PDF: variants seen among roughly 807,000 people sequenced by gnomAD.
The protein encoded by PDF is peptide deformylase, mitochondrial.
A neutral mutation model predicts 20.3 loss-of-function variants in PDF; 31 were observed. The observed-to-expected ratio is 1.52, with a 90% CI of 1.15 to 2.06. The LOEUF is 2.06. PDF is among the 30% of genes most tolerant of loss of function. The pLI, the probability that PDF is intolerant of heterozygous loss-of-function variation, is 0.00. For synonymous variants in PDF, 254 were observed against 172.0 expected, an observed-to-expected ratio of 1.48 and a Z score of -3.73; for missense variants, 447 against 362.5, an observed-to-expected ratio of 1.23 and a Z score of -1.89.
Position 69,330,090 on chromosome 16 carries a change from G to T in PDF, c.481C>A (p.Leu161Ile). The change falls in exon 1 of 2, where the codon CTT (leucine) becomes ATT (isoleucine). Residue 161 changes from leucine to isoleucine, a missense_variant. By Grantham distance (5) the Leu-to-Ile change is conservative. Transcript: ENST00000288022. ...GGAAAGGTGACCAGGCGGCTGTCAA[G>T]CACTCGCAGGCTGGGGTTCACGAAC... Reference protein sequence around the residue: ...RVFVNPSLRVLDSRLVTFPEG... With the variant: ...RVFVNPSLRVIDSRLVTFPEG... 1.9e-6 allele frequency: 3 copies of T among 1,576,922 alleles called. No homozygotes were observed. The highest frequency in any genetic ancestry group is 2.6e-6 in the Non-Finnish European group (3 of 1,163,948).
intron 1 of PDF, 51 bp from the exon 2 acceptor site, chr16:69,329,230 T>A (rs1045537860): frequency 1.2e-5 from 18 of 1,496,232 alleles, no homozygotes; most frequent in Non-Finnish European, 1.5e-5. Context: ...AACTGCATCA[T>A]CCTCAACCTC....
rs1965693475 is a variant in PDF at position 69,329,065 on chromosome 16, CTGTCCATTTTG to C, written c.678_688del (p.Asp226GlufsTer14). 1 of 1,611,978 alleles carries C rather than the reference CTGTCCATTTTG, an allele frequency of 6.2e-7. No individual in the cohort carries two copies. The highest frequency in any genetic ancestry group is 8.5e-7 in the Non-Finnish European group (1 of 1,179,480). The stretch of plus-strand genomic sequence containing the variant: ...CCAATAGACGTTTGTGAACGTCCTG[CTGTCCATTTTG>C]TCAATAAACAGGCAGCCCTGCAGGT... On this transcript the variant is annotated frameshift_variant, in exon 2 of 2. Coordinates refer to ENST00000288022, the MANE Select transcript of PDF (RefSeq NM_022341.2). LOFTEE classifies it high-confidence loss of function.
chr16:69,330,232 C>T lies in PDF; in HGVS notation c.339G>A (p.Ala113=), dbSNP rs1337454306. 2.8e-6 allele frequency: 4 copies of T among 1,450,040 alleles called. No homozygotes were observed. Among genetic ancestry groups the T allele is most frequent in the African/African-American group, 1.5e-5 (1 of 66,976 alleles). The allele number at this position is 1,450,040 out of a possible 1,614,324, so 89.8% of individuals were successfully genotyped here. A position where few individuals can be genotyped will look rare whatever the true frequency, so the allele number is the denominator to read the frequency against. ...CCTGCCGCGGCACCCCCAGCTGCGG[C>T]GCGCTTAGGCCCACGCAGCGCCGCC... The part of the protein sequence containing the change: ...MRRRRCVGLS[A]PQLGVPRQVL... Residue 113 remains alanine (A), a synonymous_variant, in exon 1 of 2, where the codon GCG becomes GCA. Transcript: ENST00000288022.
chr16:69,330,437 C>A lies in PDF; in HGVS notation c.134G>T (p.Arg45Leu). ...CCTCAGGTGGCGCCAATAGGAGCGC[C>A]GCAGCGCCGGGCCCTCGACGCCGTC... ...APDGVEGPAL[R>L]RSYWRHLRRL... The change falls in exon 1 of 2, where the codon CGG (arginine) becomes CTG (leucine). Residue 45 changes from arginine to leucine, a missense_variant. By Grantham distance (102) the Arg-to-Leu change is moderately radical (BLOSUM62 -2). Transcript: ENST00000288022. The A allele has an allele frequency of 6.8e-7, 1 of 1,475,504 alleles. No homozygotes were observed. Among genetic ancestry groups the A allele is most frequent in the African/African-American group, 1.5e-5 (1 of 68,138 alleles). 91.4% of individuals were successfully genotyped at this position (1,475,504 alleles called of 1,614,324 possible). A position where few individuals can be genotyped will look rare whatever the true frequency, so the allele number is the denominator to read the frequency against.
chr16:69,329,187 G>C lies in PDF; in HGVS notation c.575-8C>G, dbSNP rs768372605. The C allele has an allele frequency of 2.5e-6, 4 of 1,585,510 alleles. No homozygotes were observed. The African/African-American group carries it at 4.1e-5, about 16-fold the overall frequency. ...CTCCATTGGGGTCCAGCCCTGCAAAGGAAGTTACAGCCCTGGTGAGTGGGA... is the reference window on the plus strand; with the variant it reads ...CTCCATTGGGGTCCAGCCCTGCAAACGAAGTTACAGCCCTGGTGAGTGGGA... On this transcript the variant is annotated splice_region_variant and splice_polypyrimidine_tract_variant and intron_variant, in intron 1 of 1. Coordinates refer to ENST00000288022, the MANE Select transcript of PDF (RefSeq NM_022341.2).
intron 1 of PDF, among the ~76,000 whole-genome samples, chr16:69,329,625 C>T (rs753949301): frequency 2.6e-5 from 4 of 152,252 alleles, no homozygotes; most frequent in Non-Finnish European, 4.4e-5. Flanking sequence ...TGTGGTACCA[C>T]GGGGGAATGG....
Position 69,330,126 on chromosome 16 carries a change from G to C in PDF, c.445C>G (p.Pro149Ala), listed in dbSNP as rs1306213295. Residue 149 changes from proline to alanine, a missense_variant, in exon 1 of 2, where the codon CCC (proline) becomes GCC (alanine). Pro to Ala is a conservative substitution (Grantham distance 27, BLOSUM62 -1). Coordinates refer to ENST00000288022, the MANE Select transcript of PDF (RefSeq NM_022341.2). ...CTGGGGTTCACGAACACGCGCAGGG[G>C]GAAGGGCTCCATTTGGCGGAGCGCG... ...QRALRQMEPFPLRVFVNPSLR... is the reference protein window; with the variant it reads ...QRALRQMEPFALRVFVNPSLR... The C allele has an allele frequency of 6.3e-7, 1 of 1,576,678 alleles. No individual in the cohort carries two copies. Among genetic ancestry groups the C allele is most frequent in the Non-Finnish European group, 8.6e-7 (1 of 1,166,160 alleles).
rs904396308 is a variant in PDF at position 69,327,357 on chromosome 16, A to T, written c.*1665T>A. 1.3e-5 allele frequency: 2 copies of T among 151,852 alleles called. No homozygotes were observed. Among genetic ancestry groups the T allele is most frequent in the African/African-American group, 4.8e-5 (2 of 41,322 alleles). 9.4% of individuals were successfully genotyped at this position (151,852 alleles called of 1,614,324 possible). ...TAATTTTCATATTTTTAGTAGAAAC[A>T]GTGTTTCGCCATGTTGGCCAGGCTG... On this transcript the variant is annotated 3_prime_UTR_variant, in exon 2 of 2. Transcript: ENST00000288022.
rs1965653521 is a variant in PDF at position 69,327,936 on chromosome 16, AAAAG to A, written c.*1082_*1085del. The stretch of plus-strand genomic sequence containing the variant: ...ACTTTTTTTTTTTGAGACAGAGAAA[AAAAG>A]AAAACTCTACAGCCAGAATCATACT... On this transcript the variant is annotated 3_prime_UTR_variant, in exon 2 of 2. Coordinates refer to ENST00000288022, the MANE Select transcript of PDF (RefSeq NM_022341.2). 1 of 152,094 alleles carries A rather than the reference AAAAG, an allele frequency of 6.6e-6. No individual in the cohort carries two copies. The highest frequency in any genetic ancestry group is 2.4e-5 in the African/African-American group (1 of 41,432). The allele number at this position is 152,094 out of a possible 1,614,324, so 9.4% of individuals were successfully genotyped here.
chr16:69,329,940 G>A (rs1011704055), intron 1 of PDF, 57 bp downstream of exon 1: 2 of 1,463,530 alleles, frequency 1.4e-6, no homozygotes, highest in Admixed American at 5.1e-5. Flanking sequence ...CTCTCGCGGA[G>A]TCGGGCAGAA....
chr16:69,328,296 A>C lies in PDF; in HGVS notation c.*726T>G, dbSNP rs1028455772. Reference sequence around the variant, plus strand: ...GCTGTGATATTAATTCTATTTTTACAAAATAAGTGTATAACCAGGAAGTAC... The same window carrying C: ...GCTGTGATATTAATTCTATTTTTACCAAATAAGTGTATAACCAGGAAGTAC... On this transcript the variant is annotated 3_prime_UTR_variant, in exon 2 of 2. Transcript: ENST00000288022. The C allele has an allele frequency of 2.6e-5, 4 of 152,150 alleles. No individual in the cohort carries two copies. The highest frequency in any genetic ancestry group is 9.7e-5 in the African/African-American group (4 of 41,422). The allele number at this position is 152,150 out of a possible 1,614,324, so 9.4% of individuals were successfully genotyped here. A position where few individuals can be genotyped will look rare whatever the true frequency, so the allele number is the denominator to read the frequency against.
In PDF at chr16:69,330,400, C is replaced by T. The variant is rs769869670; in HGVS notation, c.171G>A (p.Leu57=). The change falls in exon 1 of 2, where the codon CTG becomes CTA. Residue 57 remains leucine (L), a synonymous_variant. Transcript: ENST00000288022. The part of the protein sequence containing the change: ...SYWRHLRRLV[L]GPPEPPFSHV... ...GCGAGAACGGCGGTTCGGGAGGACCCAGCACCAGACGCCTCAGGTGGCGCC... is the reference window on the plus strand; with the variant it reads ...GCGAGAACGGCGGTTCGGGAGGACCTAGCACCAGACGCCTCAGGTGGCGCC... 3.4e-6 allele frequency: 5 copies of T among 1,479,328 alleles called. No homozygotes were observed. The highest frequency in any genetic ancestry group is 4.5e-6 in the Non-Finnish European group (5 of 1,122,978). The allele number at this position is 1,479,328 out of a possible 1,614,324, so 91.6% of individuals were successfully genotyped here. A position where few individuals can be genotyped will look rare whatever the true frequency, so the allele number is the denominator to read the frequency against.
At position 69,330,065 on chromosome 16, in the gene PDF, G is replaced by A. The variant is rs373401971; in HGVS notation, c.506C>T (p.Pro169Leu). The stretch of plus-strand genomic sequence containing the variant: ...GCCGGCGACGCTCTCGCAGCCCTCG[G>A]GAAAGGTGACCAGGCGGCTGTCAAG... ...RVLDSRLVTFPEGCESVAGFL... is the reference protein window; with the variant it reads ...RVLDSRLVTFLEGCESVAGFL... Residue 169 changes from proline to leucine, a missense_variant, in exon 1 of 2, where the codon CCC becomes CTC. By Grantham distance (98) the Pro-to-Leu change is moderately conservative. Coordinates refer to ENST00000288022, the MANE Select transcript of PDF (RefSeq NM_022341.2). 2.3e-5 allele frequency: 36 copies of A among 1,560,344 alleles called. No homozygotes were observed. Among genetic ancestry groups the A allele is most frequent in the Non-Finnish European group, 2.8e-5 (32 of 1,154,870 alleles).
chr16:69,329,995 A>C lies in PDF; in HGVS notation c.574+2T>G. 2 of 1,521,340 alleles carry C rather than the reference A, an allele frequency of 1.3e-6. No individual in the cohort carries two copies. Among genetic ancestry groups the C allele is most frequent in the Non-Finnish European group, 1.8e-6 (2 of 1,135,150 alleles). The allele number at this position is 1,521,340 out of a possible 1,614,324, so 94.2% of individuals were successfully genotyped here. The stretch of plus-strand genomic sequence containing the variant: ...AGCAGCCCCGGTCCCCGCCGCCCGC[A>C]CCTGAGATCTGCACCGCCTGGAAGC... On this transcript the variant is annotated splice_donor_variant, in intron 1 of 1. Coordinates refer to ENST00000288022, the MANE Select transcript of PDF (RefSeq NM_022341.2). LOFTEE classifies it high-confidence loss of function.
At position 69,330,517 on chromosome 16, in the gene PDF, C is replaced by A. The variant is rs1439599723; in HGVS notation, c.54G>T (p.Pro18=). The A allele has an allele frequency of 2.0e-6, 3 of 1,473,758 alleles. No individual in the cohort carries two copies. The highest frequency in any genetic ancestry group is 5.8e-5 in the East Asian group (2 of 34,220). 91.3% of individuals were successfully genotyped at this position (1,473,758 alleles called of 1,614,324 possible). The part of the protein sequence containing the change: ...LSLWPLWAAV[P]WGGAAAVGVR... ...CACCGACGGCTGCCGCCCCGCCCCA[C>A]GGCACGGCCGCCCACAGTGGCCAAA... The change falls in exon 1 of 2, where the codon CCG becomes CCT. Residue 18 remains proline (P), a synonymous_variant. Coordinates refer to ENST00000288022, the MANE Select transcript of PDF (RefSeq NM_022341.2).
At chr16:69,329,417 G>A (rs375384385) in intron 1 of PDF, among the ~76,000 whole-genome samples, 1 of 152,212 alleles carries the variant, frequency 6.6e-6, no homozygotes, top group Non-Finnish European at 1.5e-5. Context: ...GTAGAGCTGA[G>A]ATGAGAAATC....
At chr16:69,329,943 G>T in intron 1 of PDF, 54 bp downstream of exon 1, 2 of 1,477,674 alleles carry the variant, frequency 1.4e-6, no homozygotes, top group South Asian at 1.3e-5. Context: ...TCGCGGAGTC[G>T]GGCAGAAGAG....
At position 69,328,897 on chromosome 16, in the gene PDF, C is replaced by G. The variant is rs1489693730; in HGVS notation, c.*125G>C. 1 of 1,259,754 alleles carries G rather than the reference C, an allele frequency of 7.9e-7. No homozygotes were observed. 78.0% of individuals were successfully genotyped at this position (1,259,754 alleles called of 1,614,324 possible). On this transcript the variant is annotated 3_prime_UTR_variant, in exon 2 of 2. Transcript: ENST00000288022. ...TCTTCCTCCAGCTCAGTCTGCCATG[C>G]CTTGGCAATCCAGTTTCCTGTCATA...
Position 69,327,528 on chromosome 16 carries a change from G to A in PDF, c.*1494C>T, listed in dbSNP as rs1206090227. On this transcript the variant is annotated 3_prime_UTR_variant, in exon 2 of 2. Coordinates refer to ENST00000288022, the MANE Select transcript of PDF (RefSeq NM_022341.2). ...CAGTTTGCTTCTGCTTGGCCTCATG[G>A]GGCCTCAGAGAAAGCCACAAAGGAG... 17 of 151,798 alleles carry A rather than the reference G, an allele frequency of 1.1e-4. No homozygotes were observed. The highest frequency in any genetic ancestry group is 6.6e-4 in the Admixed American group (10 of 15,224). 9.4% of individuals were successfully genotyped at this position (151,798 alleles called of 1,614,324 possible).
Sources: allele counts gnomAD v4.1 joint callset (sites outside exome capture counted in the v4.1 genomes callset), GRCh38; gene constraint gnomAD v4.1.1; transcripts MANE v1.5; gene names NCBI Gene and HGNC (gene_info 2026-07-23, HGNC 2026-07-21).